ADAMTS6: variants seen among roughly 807,000 people sequenced by gnomAD.
ADAMTS6 encodes the protein A disintegrin and metalloproteinase with thrombospondin motifs 6.
Under a neutral mutation model 144.3 loss-of-function variants are expected in ADAMTS6, and 23 were observed. The ratio of observed to expected loss-of-function variants is 0.16; its 90% CI spans 0.11 to 0.23. The LOEUF is 0.23. Ranked by LOEUF, ADAMTS6 falls within the 10% of genes least tolerant of loss-of-function variation. ADAMTS6 has a pLI of 1.00. For synonymous variants in ADAMTS6, 444 were observed against 457.5 expected (o/e 0.97, Z 0.38); for missense variants, 999 against 1,379.6 (o/e 0.72, Z 4.37).
At chr5:65,164,740 C>A (rs1579932363) in intron 24 of ADAMTS6, among the ~76,000 whole-genome samples, 2 of 143,534 alleles carry the variant, frequency 1.4e-5, no homozygotes, top group African/African-American at 2.6e-5. Flanking sequence ...CCCGAGCAGC[C>A]TAACTGGGAG....
At chr5:65,153,672 G>A (rs1171517042) in intron 24 of ADAMTS6, among the ~76,000 whole-genome samples, 1 of 152,110 alleles carries the variant, frequency 6.6e-6, no homozygotes, top group Non-Finnish European at 1.5e-5. Flanking sequence ...CTACTACTAA[G>A]AAAATACTGC....
chr5:65,344,580 G>A, intron 7 of ADAMTS6, among the ~76,000 whole-genome samples: 1 of 151,752 alleles, frequency 6.6e-6, no homozygotes, highest in East Asian at 1.9e-4. Context: ...TTGTTTCCAA[G>A]TTTTCACTGA....
chr5:65,470,667 A>C, intron 3 of ADAMTS6, 111 bp downstream of exon 3: 1 of 845,096 alleles, frequency 1.2e-6, no homozygotes, highest in South Asian at 4.3e-5. Flanking sequence ...TTACCTTCCT[A>C]CTTAAACTAC....
At chr5:65,461,576 T>G (rs1759644797) in intron 3 of ADAMTS6, among the ~76,000 whole-genome samples, 2 of 151,294 alleles carry the variant, frequency 1.3e-5, no homozygotes, top group Admixed American at 1.3e-4. Context: ...TAACACCAGA[T>G]AAAATAAAAA....
rs72760569 is a variant in ADAMTS6, at chr5:65,395,297, T to G, written c.1073+56178A>C. ...TACTCTGGATAATCACTAAAGACTA[T>G]CCCAAGGACTAGTCTCAGGAGCCTT... On this transcript the variant is annotated intron_variant, in intron 7 of 24. Transcript: ENST00000381055. Among the ~76,000 whole-genome samples the G allele has an allele frequency of 8.6e-3, 1,309 of 151,864 alleles. 9 individuals are homozygous for G. The highest frequency in any genetic ancestry group is 0.014 in the Non-Finnish European group (972 of 68,014).
At chr5:65,363,708 C>A (rs1750040659) in intron 7 of ADAMTS6, among the ~76,000 whole-genome samples, 2 of 152,272 alleles carry the variant, frequency 1.3e-5, no homozygotes, top group East Asian at 3.9e-4. Context: ...GCTTAGTGGA[C>A]TTCTAGGCTG....
At chr5:65,333,930 G>T in intron 8 of ADAMTS6, 112 bp downstream of exon 8, 1 of 1,113,906 alleles carries the variant, frequency 9.0e-7, no homozygotes, top group South Asian at 3.4e-5. Flanking sequence ...AAAGGAAAAT[G>T]ACCAAATTAA....
chr5:65,375,362 C>T (rs1751422380), intron 7 of ADAMTS6, among the ~76,000 whole-genome samples: 1 of 151,858 alleles, frequency 6.6e-6, no homozygotes, highest in Non-Finnish European at 1.5e-5. Context: ...ACCTACTCAT[C>T]TGACAAAGGG....
intron 21 of ADAMTS6, among the ~76,000 whole-genome samples, chr5:65,188,423 C>T (rs1754804016): frequency 6.6e-6 from 1 of 152,102 alleles, no homozygotes; most frequent in Non-Finnish European, 1.5e-5. Flanking sequence ...TGGACAGAAC[C>T]CAGGTTCAAA....
intron 1 of ADAMTS6, among the ~76,000 whole-genome samples, chr5:65,475,088 T>C (rs1760753342): frequency 6.6e-6 from 1 of 152,082 alleles, no homozygotes. Flanking sequence ...TTTCACATAA[T>C]AAATTCTTAC....
chr5:65,234,266 GC>G (rs1304543069), intron 15 of ADAMTS6, among the ~76,000 whole-genome samples: 1 of 151,782 alleles, frequency 6.6e-6, no homozygotes, highest in Non-Finnish European at 1.5e-5. Flanking sequence ...GACAAAAAAT[GC>G]CAAAATAAAC....
chr5:65,184,699 A>G (rs963985429), intron 22 of ADAMTS6, among the ~76,000 whole-genome samples: 3 of 152,180 alleles, frequency 2.0e-5, no homozygotes, highest in African/African-American at 7.2e-5. Flanking sequence ...AAGTCCAAAT[A>G]GCCTGGGTGA....
intron 7 of ADAMTS6, among the ~76,000 whole-genome samples, chr5:65,369,787 T>C (rs1416438870): frequency 2.0e-5 from 3 of 152,186 alleles, no homozygotes; most frequent in African/African-American, 7.2e-5. Flanking sequence ...TGGCTTCTTT[T>C]TAGCCCTTAT....
At chr5:65,406,404 T>A (rs1343838105) in intron 7 of ADAMTS6, among the ~76,000 whole-genome samples, 2 of 151,994 alleles carry the variant, frequency 1.3e-5, no homozygotes, top group African/African-American at 4.8e-5. Flanking sequence ...ATTGAGATAA[T>A]CATGTGGTTT....
chr5:65,397,140 T>C (rs1227141335), intron 7 of ADAMTS6, among the ~76,000 whole-genome samples: 1 of 152,224 alleles, frequency 6.6e-6, no homozygotes, highest in Non-Finnish European at 1.5e-5. Context: ...GTTCATAGCA[T>C]TCCATTATAA....
intron 4 of ADAMTS6, among the ~76,000 whole-genome samples, chr5:65,457,093 G>C (rs1450769482): frequency 2.0e-5 from 3 of 152,172 alleles, no homozygotes; most frequent in Non-Finnish European, 2.9e-5. Flanking sequence ...AAATTTACTA[G>C]TAAACACAAA....
At chr5:65,256,302 T>C (rs1760656257) in intron 14 of ADAMTS6, 1 of 152,234 alleles carries the variant, frequency 6.6e-6, no homozygotes, top group Non-Finnish European at 1.5e-5. Context: ...CTGAAGAAAG[T>C]TCTATTAGAC....
chr5:65,305,522 A>G (rs1299565113), intron 9 of ADAMTS6, among the ~76,000 whole-genome samples: 1 of 152,092 alleles, frequency 6.6e-6, no homozygotes, highest in African/African-American at 2.4e-5. Flanking sequence ...AACTAATTCA[A>G]CTCTCTGCTG....
At chr5:65,376,501 G>T (rs1751565653) in intron 7 of ADAMTS6, among the ~76,000 whole-genome samples, 1 of 151,934 alleles carries the variant, frequency 6.6e-6, no homozygotes, top group African/African-American at 2.4e-5. Flanking sequence ...CTTAGGCATA[G>T]TTAGTTCCCC....
Sources: gnomAD v4.1 joint callset for allele counts (sites outside exome capture counted in the v4.1 genomes callset) on GRCh38, gnomAD v4.1.1 for gene constraint, MANE v1.5 for transcripts, NCBI Gene and HGNC (gene_info 2026-07-23, HGNC 2026-07-21) for gene names.